Variants in BCHE observed in about 807,000 individuals in gnomAD.
BCHE encodes butyrylcholinesterase.
A neutral mutation model predicts 51.3 loss-of-function variants in BCHE; 48 were observed. That is an observed-to-expected ratio of 0.94 (90% confidence interval 0.74 to 1.19). The LOEUF is 1.19. Ranked by LOEUF, BCHE falls within the 50% of genes most tolerant of loss-of-function variation. The pLI, the probability that BCHE is intolerant of heterozygous loss-of-function variation, is 0.00. For missense variants in BCHE, 847 were observed against 708.2 expected (o/e 1.20, Z -2.23); for synonymous variants, 251 against 238.0 (o/e 1.05, Z -0.50).
At chr3:165,828,023 C>T (rs1371727625) in intron 2 of BCHE, 1 of 455,908 alleles carries the variant, frequency 2.2e-6, no homozygotes, top group Non-Finnish European at 4.4e-6. Flanking sequence ...ATCAAAACCA[C>T]AGGTTCTGTT....
intron 3 of BCHE, chr3:165,777,662 T>G: frequency 3.1e-6 from 1 of 323,176 alleles, no homozygotes; most frequent in South Asian, 2.4e-5. Context: ...AGGTAAAAAA[T>G]ATACACACAG....
At chr3:165,827,473 A>C (rs1047904704) in intron 2 of BCHE, among the ~76,000 whole-genome samples, 1 of 151,710 alleles carries the variant, frequency 6.6e-6, no homozygotes, top group Non-Finnish European at 1.5e-5. Context: ...GTATTAAATA[A>C]TCCTATTAAG....
chr3:165,801,120 GGC>G (rs1195432019), intron 2 of BCHE, among the ~76,000 whole-genome samples: 1 of 152,114 alleles, frequency 6.6e-6, no homozygotes, highest in Non-Finnish European at 1.5e-5. Context: ...AAGATGAACA[GGC>G]TGGACTTTAC....
chr3:165,796,119 TA>T (rs1363094500), intron 2 of BCHE, among the ~76,000 whole-genome samples: 2 of 152,088 alleles, frequency 1.3e-5, no homozygotes, highest in Non-Finnish European at 2.9e-5. Context: ...ACACTTCATT[TA>T]AAAAAATACT....
At chr3:165,811,214 A>G (rs575543690) in intron 2 of BCHE, among the ~76,000 whole-genome samples, 5 of 152,248 alleles carry the variant, frequency 3.3e-5, no homozygotes, top group Admixed American at 1.3e-4. Flanking sequence ...AAAATTGAGG[A>G]TTAGACCGCT....
In BCHE at chr3:165,830,488, T is replaced by C. The variant is rs1308806299; in HGVS notation, c.546A>G (p.Leu182=). 1.2e-6 allele frequency: 2 copies of C among 1,613,714 alleles called. No individual in the cohort carries two copies. The highest frequency in any genetic ancestry group is 1.3e-5 in the African/African-American group (1 of 74,910). The change falls in exon 2 of 4, where the codon TTA becomes TTG. Residue 182 remains leucine (L), a synonymous_variant. Transcript: ENST00000264381. ...GAGCCTCAGGATTTCCTGGCAAAGC[T>C]AAGAATCCTAGGGCACCCACCCTAT... ...MNYRVGALGF[L]ALPGNPEAPG... is the part of the protein sequence containing the mutation.
At chr3:165,805,188 C>A (rs1164163966) in intron 2 of BCHE, among the ~76,000 whole-genome samples, 2 of 151,784 alleles carry the variant, frequency 1.3e-5, no homozygotes, top group East Asian at 3.9e-4. Context: ...AAAAAAATAA[C>A]GAGCTCTTAG....
At position 165,786,169 on chromosome 3, in the gene BCHE, A is replaced by G; in HGVS notation, c.1660T>C (p.Phe554Leu). 6.2e-7 allele frequency: 1 copy of G among 1,612,178 alleles called. No homozygotes were observed. The highest frequency in any genetic ancestry group is 8.5e-7 in the Non-Finnish European group (1 of 1,178,604). ...CCTGTCATTTCCAAGACTTTTGGAA[A>G]AAATGATGTCCAGAATCGACATTGT... ...AQQCRFWTSF[F>L]PKVLEMTGNI... Residue 554 changes from phenylalanine to leucine, a missense_variant, in exon 3 of 4, where the codon TTT (phenylalanine) becomes CTT (leucine). By Grantham distance (22) the Phe-to-Leu change is conservative. Transcript: ENST00000264381.
At chr3:165,782,504 C>T (rs58475448) in intron 3 of BCHE, among the ~76,000 whole-genome samples, 17,521 of 148,184 alleles carry the variant, frequency 0.12, 1,996 homozygotes, top group African/African-American at 0.3. Flanking sequence ...GAAAAAAAAT[C>T]GTTTTCTCTT....
chr3:165,830,807 G>A lies in BCHE; in HGVS notation c.227C>T (p.Ser76Phe). The change falls in exon 2 of 4, where the codon TCT becomes TTT. Residue 76 changes from serine (S) to phenylalanine (F), a missense_variant. Coordinates refer to ENST00000264381, the MANE Select transcript of BCHE (RefSeq NM_000055.4). The part of the protein sequence containing the change: ...LGRLRFKKPQ[S>F]LTKWSDIWNA... ...CCAAATATCAGACCACTTGGTCAGA[G>A]ACTGTGGCTTTTTGAATCGAAGTCT... 6.2e-7 allele frequency: 1 copy of A among 1,613,922 alleles called. No individual in the cohort carries two copies. Among genetic ancestry groups the A allele is most frequent in the Non-Finnish European group, 8.5e-7 (1 of 1,179,930 alleles).
chr3:165,824,598 C>G (rs946746800), intron 2 of BCHE, among the ~76,000 whole-genome samples: 1 of 151,980 alleles, frequency 6.6e-6, no homozygotes, highest in South Asian at 2.1e-4. Flanking sequence ...AAGGAAGAAG[C>G]CAACTGTCCC....
intron 2 of BCHE, among the ~76,000 whole-genome samples, chr3:165,825,314 T>C (rs191345734): frequency 5.0e-4 from 71 of 141,448 alleles, no homozygotes; most frequent in African/African-American, 1.8e-3. Context: ...AATGCCTACA[T>C]TAAAAGTTCA....
intron 2 of BCHE, among the ~76,000 whole-genome samples, chr3:165,793,285 C>A (rs1713243568): frequency 6.6e-6 from 1 of 152,158 alleles, no homozygotes; most frequent in Non-Finnish European, 1.5e-5. Context: ...ATAGGATATA[C>A]AATGCCTATA....
intron 2 of BCHE, among the ~76,000 whole-genome samples, chr3:165,821,050 T>C (rs1714494075): frequency 6.6e-6 from 1 of 151,758 alleles, no homozygotes; most frequent in Admixed American, 6.6e-5. Flanking sequence ...AAAAGTTAGA[T>C]AGTCTCATCA....
intron 2 of BCHE, among the ~76,000 whole-genome samples, chr3:165,789,890 T>G (rs965368705): frequency 6.6e-6 from 1 of 152,158 alleles, no homozygotes; most frequent in African/African-American, 2.4e-5. Flanking sequence ...TGGTAAGAGA[T>G]TCAACAAATA....
In BCHE at chr3:165,830,873, G is replaced by C; in HGVS notation, c.161C>G (p.Thr54Arg). 6.2e-7 allele frequency: 1 copy of C among 1,613,920 alleles called. No homozygotes were observed. Among genetic ancestry groups the C allele is most frequent in the East Asian group, 2.2e-5 (1 of 44,856 alleles). The change falls in exon 2 of 4, where the codon ACA becomes AGA. Residue 54 changes from threonine to arginine, a missense_variant. By Grantham distance (71) the Thr-to-Arg change is moderately conservative (BLOSUM62 -1). Transcript: ENST00000264381. ...TGCATAGGGAATTCCAAGAAAGGCT[G>C]TTACCGTGCCACCAAAAACTGTCAA... is the stretch of plus-strand genomic sequence containing the variant. Reference protein sequence around the residue: ...MNLTVFGGTVTAFLGIPYAQP... With the variant: ...MNLTVFGGTVRAFLGIPYAQP...
At chr3:165,775,980 T>C (rs1463180107) in intron 3 of BCHE, among the ~76,000 whole-genome samples, 1 of 151,954 alleles carries the variant, frequency 6.6e-6, no homozygotes, top group African/African-American at 2.4e-5. Context: ...GCTTGTTTAT[T>C]ACTAAGAAGA....
chr3:165,798,159 A>G (rs1713493326), intron 2 of BCHE, among the ~76,000 whole-genome samples: 1 of 152,172 alleles, frequency 6.6e-6, no homozygotes, highest in African/African-American at 2.4e-5. Flanking sequence ...TACCTGAGTA[A>G]GTAAACCATT....
At chr3:165,806,568 C>T (rs1713874482) in intron 2 of BCHE, among the ~76,000 whole-genome samples, 1 of 151,866 alleles carries the variant, frequency 6.6e-6, no homozygotes, top group African/African-American at 2.4e-5. Flanking sequence ...ACAGTTGGTG[C>T]TCAATAAATA....
Sources: allele counts gnomAD v4.1 joint callset (sites outside exome capture counted in the v4.1 genomes callset), GRCh38; gene constraint gnomAD v4.1.1; transcripts MANE v1.5; gene names NCBI Gene and HGNC (gene_info 2026-07-23, HGNC 2026-07-21).